RAPSN: variants seen among roughly 807,000 people sequenced by gnomAD.
The protein encoded by RAPSN is receptor associated protein of the synapse.
Under a neutral mutation model 45.7 loss-of-function variants are expected in RAPSN, and 33 were observed. The observed-to-expected ratio is 0.72, with a 90% CI of 0.55 to 0.97. The LOEUF is 0.97. Ranked by LOEUF, RAPSN falls within the 50% of genes least tolerant of loss-of-function variation. The pLI, the probability that RAPSN is intolerant of heterozygous loss-of-function variation, is 0.00. For missense variants in RAPSN, 519 were observed against 559.4 expected, an observed-to-expected ratio of 0.93 and a Z score of 0.73; for synonymous variants, 244 against 233.6, an observed-to-expected ratio of 1.04 and a Z score of -0.40.
chr11:47,441,553 T>C (rs1445918952), intron 5 of RAPSN, 58 bp downstream of exon 5: 2 of 1,598,154 alleles, frequency 1.3e-6, no homozygotes, highest in South Asian at 1.1e-5. Flanking sequence ...GCTAACCTAC[T>C]GGCCCCAAGT....
At chr11:47,444,501 T>C (rs1298115270) in intron 2 of RAPSN, among the ~76,000 whole-genome samples, 1 of 151,918 alleles carries the variant, frequency 6.6e-6, no homozygotes, top group African/African-American at 2.4e-5. Flanking sequence ...ATTGAGCCAC[T>C]GCACTCCATC....
Position 47,440,884 on chromosome 11 carries a change from G to A in RAPSN, c.966+275C>T, listed in dbSNP as rs7104800. ...CCCAAAATTCTAGGATTATAGATGTGAGCCACCATGTCCAGCCCACTGTTA... is the reference window on the plus strand; with the variant it reads ...CCCAAAATTCTAGGATTATAGATGTAAGCCACCATGTCCAGCCCACTGTTA... On this transcript the variant is annotated intron_variant, in intron 6 of 7. Coordinates refer to ENST00000298854, the MANE Select transcript of RAPSN (RefSeq NM_005055.5). Among the ~76,000 whole-genome samples, 16,865 of 152,084 alleles carry A rather than the reference G, an allele frequency of 0.11. 1,036 individuals are homozygous for A. The highest frequency in any genetic ancestry group is 0.14 in the Non-Finnish European group (9,408 of 67,972).
chr11:47,443,189 A>G (rs569711628), intron 2 of RAPSN, among the ~76,000 whole-genome samples: 11 of 152,288 alleles, frequency 7.2e-5, no homozygotes, highest in Admixed American at 5.2e-4. Flanking sequence ...GGGATGGGAG[A>G]TACCAGATCC....
chr11:47,441,246 G>A, intron 5 of RAPSN, 34 bp from the exon 6 acceptor site: 1 of 1,611,642 alleles, frequency 6.2e-7, no homozygotes, highest in Non-Finnish European at 8.5e-7. Context: ...GCTGCGGGCA[G>A]AGCTGTCTGA....
intron 6 of RAPSN, among the ~76,000 whole-genome samples, chr11:47,439,751 CA>C: frequency 7.2e-6 from 1 of 138,810 alleles, no homozygotes; most frequent in South Asian, 2.3e-4. Flanking sequence ...CTTGCTCTGT[CA>C]CCCAGGCTGG....
chr11:47,446,073 T>C (rs2076403970), intron 2 of RAPSN, among the ~76,000 whole-genome samples: 1 of 151,554 alleles, frequency 6.6e-6, no homozygotes, highest in Non-Finnish European at 1.5e-5. Flanking sequence ...AAACAATAGG[T>C]GTGAGCCACC....
At chr11:47,441,095 C>A in intron 6 of RAPSN, 64 bp downstream of exon 6, 1 of 1,603,942 alleles carries the variant, frequency 6.2e-7, no homozygotes, top group South Asian at 1.1e-5. Flanking sequence ...AAGGCCCTTC[C>A]CCAGACCCAA....
In RAPSN at chr11:47,441,638, G is replaced by C; in HGVS notation, c.885C>G (p.Cys295Trp). 1 of 1,608,600 alleles carries C rather than the reference G, an allele frequency of 6.2e-7. No homozygotes were observed. Among genetic ancestry groups the C allele is most frequent in the Non-Finnish European group, 8.5e-7 (1 of 1,179,716 alleles). ...TGTCCAGCGCCTTCCTGGCCACCCAGCACTTGGCCACACCCAGCAGCGCCT... is the reference window on the plus strand; with the variant it reads ...TGTCCAGCGCCTTCCTGGCCACCCACCACTTGGCCACACCCAGCAGCGCCT... ...QVQALLGVAK[C>W]WVARKALDKA... is the part of the protein sequence containing the mutation. Residue 295 changes from cysteine to tryptophan, a missense_variant, in exon 5 of 8, where the codon TGC (cysteine) becomes TGG (tryptophan). Physicochemically the swap from Cys to Trp is radical, Grantham distance 215. Transcript: ENST00000298854.
chr11:47,440,784 T>A (rs1470624449), intron 6 of RAPSN, among the ~76,000 whole-genome samples: 1 of 152,194 alleles, frequency 6.6e-6, no homozygotes, highest in Non-Finnish European at 1.5e-5. Flanking sequence ...TTTTCTTTTT[T>A]AGAGCATGGG....
At chr11:47,446,211 G>A (rs1348212971) in intron 2 of RAPSN, among the ~76,000 whole-genome samples, 3 of 150,428 alleles carry the variant, frequency 2.0e-5, no homozygotes, top group Admixed American at 1.3e-4. Flanking sequence ...ATAGGCATGA[G>A]CCTTGCCAAA....
At chr11:47,440,125 G>A (rs1225644466) in intron 6 of RAPSN, among the ~76,000 whole-genome samples, 1 of 152,152 alleles carries the variant, frequency 6.6e-6, no homozygotes, top group African/African-American at 2.4e-5. Flanking sequence ...CAAGTTAGTA[G>A]GTGTGGGACC....
In RAPSN at chr11:47,448,846, A is replaced by G. The variant is rs1209675065; in HGVS notation, c.119T>C (p.Met40Thr). The change falls in exon 1 of 8, where the codon ATG becomes ACG. Residue 40 changes from methionine (M) to threonine (T), a missense_variant. Met to Thr is a moderately conservative substitution (Grantham distance 81). Coordinates refer to ENST00000298854, the MANE Select transcript of RAPSN (RefSeq NM_005055.5). ...TKVLEKSSDL[M>T]GRFRVLGCLV... is the part of the protein sequence containing the mutation. ...GCAGCCCAGCACGCGGAAGCGCCCCATGAGGTCCGAGCTCTTCTCCAGCAC... is the reference window on the plus strand; with the variant it reads ...GCAGCCCAGCACGCGGAAGCGCCCCGTGAGGTCCGAGCTCTTCTCCAGCAC... 6.2e-7 allele frequency: 1 copy of G among 1,613,950 alleles called. No homozygotes were observed. The highest frequency in any genetic ancestry group is 8.5e-7 in the Non-Finnish European group (1 of 1,180,040).
At chr11:47,442,912 C>CA (rs2076377293) in intron 2 of RAPSN, 98 bp from the exon 3 acceptor site, 2 of 1,583,486 alleles carry the variant, frequency 1.3e-6, no homozygotes, top group Admixed American at 1.7e-5. Flanking sequence ...CAGGTAGGGG[C>CA]AGGGGGCCCG....
Position 47,441,805 on chromosome 11 carries a change from G to A in RAPSN, c.789+18C>T. 2.0e-6 allele frequency: 3 copies of A among 1,486,918 alleles called. No homozygotes were observed. The highest frequency in any genetic ancestry group is 1.6e-5 in the African/African-American group (1 of 62,862). The allele number at this position is 1,486,918 out of a possible 1,614,324, so 92.1% of individuals were successfully genotyped here. ...CCCCTGCCCCCTGCCCCCAGCCCCT[G>A]CATCCCGGTGACCTCACCTCCAGGT... On this transcript the variant is annotated intron_variant, in intron 4 of 7. Transcript: ENST00000298854.
At chr11:47,441,568 A>G in intron 5 of RAPSN, 43 bp downstream of exon 5, 1 of 1,599,774 alleles carries the variant, frequency 6.3e-7, no homozygotes, top group South Asian at 1.1e-5. Flanking sequence ...CCAAGTGGGG[A>G]GTGCTGGGAG....
chr11:47,446,764 G>C (rs2076409354), intron 2 of RAPSN, among the ~76,000 whole-genome samples: 1 of 152,168 alleles, frequency 6.6e-6, no homozygotes, highest in Non-Finnish European at 1.5e-5. Context: ...AATTAGCCGG[G>C]CGTGGTGGTA....
At chr11:47,438,292 G>C (rs888114067) in intron 7 of RAPSN, among the ~76,000 whole-genome samples, 1 of 152,116 alleles carries the variant, frequency 6.6e-6, no homozygotes, top group African/African-American at 2.4e-5. Flanking sequence ...GATGGAACCA[G>C]ACCCACGGCA....
intron 2 of RAPSN, among the ~76,000 whole-genome samples, chr11:47,447,000 C>T (rs898023890): frequency 1.3e-5 from 2 of 152,184 alleles, no homozygotes; most frequent in African/African-American, 2.4e-5. Context: ...CTCCCTACCT[C>T]CGCACACACC....
chr11:47,448,450 C>G (rs1320203588), intron 1 of RAPSN, among the ~76,000 whole-genome samples: 3 of 149,416 alleles, frequency 2.0e-5, no homozygotes, highest in South Asian at 4.2e-4. Flanking sequence ...GGAGCCCACA[C>G]CCCGCCAGGC....
Sources: allele counts gnomAD v4.1 joint callset (sites outside exome capture counted in the v4.1 genomes callset), GRCh38; gene constraint gnomAD v4.1.1; transcripts MANE v1.5; gene names NCBI Gene and HGNC (gene_info 2026-07-23, HGNC 2026-07-21).